The following CLSTN3 variants were observed in gnomAD, a reference collection of about 807,000 sequenced individuals.
CLSTN3 encodes the protein calsyntenin-3.
In CLSTN3, 36 loss-of-function variants were observed where a neutral mutation model predicts 95.9. The observed-to-expected ratio is 0.38, with a 90% CI of 0.29 to 0.50. The LOEUF (loss-of-function observed/expected upper bound fraction) is 0.50, where lower values mean the gene tolerates loss of function less well. Ranked by LOEUF, CLSTN3 falls within the 20% of genes least tolerant of loss-of-function variation. The probability of loss-of-function intolerance (pLI) is 0.95; values close to 1 mark genes in which losing one functional copy is unlikely to be tolerated. For missense variants in CLSTN3, 1,084 were observed against 1,268.8 expected (o/e 0.85, Z 2.21); for synonymous variants, 481 against 504.0 (o/e 0.95, Z 0.61).
intron 4 of CLSTN3, 132 bp from the exon 5 acceptor site, chr12:7,135,672 C>G (rs1939398604): frequency 7.4e-7 from 1 of 1,351,576 alleles, no homozygotes. Flanking sequence ...GAGCCTTCTC[C>G]TCCCAGATGC....
rs1016260944 is a variant in CLSTN3, at chr12:7,141,074, G to C, written c.1324-168G>C. On this transcript the variant is annotated intron_variant, in intron 8 of 17. Transcript: ENST00000266546. The surrounding 1 kb of genome is among the most constrained non-coding windows in gnomAD (Gnocchi z 4.1). ...GGTTGCCTGATAGATTTTGGACAAG[G>C]ATGTTATTCCTCGAGCTGGATAGGC... Among the ~76,000 whole-genome samples, 1 of 152,200 alleles carries C rather than the reference G, an allele frequency of 6.6e-6. No homozygotes were observed. The highest frequency in any genetic ancestry group is 2.4e-5 in the African/African-American group (1 of 41,444).
At position 7,158,822 on chromosome 12, in the gene CLSTN3, ATG is replaced by A. The variant is rs55888711; in HGVS notation, c.*762_*763del. The A allele has an allele frequency of 0.82, 105,423 of 128,430 alleles. 44,515 individuals carry two copies. Among genetic ancestry groups the A allele is most frequent in the Non-Finnish European group, 0.92 (57,666 of 62,932 alleles). 8.0% of individuals were successfully genotyped at this position (128,430 alleles called of 1,614,324 possible). ...GCGTGCAGCTCACGGCCTTGTGTGT[ATG>A]TGTGTGTGTGTGTGTGTGTGAGGCA... On this transcript the variant is annotated 3_prime_UTR_variant, in exon 18 of 18. Transcript: ENST00000266546.
chr12:7,151,493 C>T (rs2135815126), intron 16 of CLSTN3, among the ~76,000 whole-genome samples: 1 of 152,268 alleles, frequency 6.6e-6, no homozygotes, highest in South Asian at 2.1e-4. Context: ...ATAGATCAGT[C>T]CCTATCCCCA....
Position 7,142,989 on chromosome 12 carries a change from A to C in CLSTN3, c.1661A>C (p.Asp554Ala), listed in dbSNP as rs768164823. The change falls in exon 11 of 18, where the codon GAC becomes GCC. Residue 554 changes from aspartate (D) to alanine (A), a missense_variant. By Grantham distance (126) the Asp-to-Ala change is moderately radical. Coordinates refer to ENST00000266546, the MANE Select transcript of CLSTN3 (RefSeq NM_014718.4). ...ECLYACREGL[D>A]YRDFESLGKG... ...CTCTATGCATGTCGGGAGGGGCTGGACTATAGGGATTTCGAGAGCCTGGGC... is the reference window on the plus strand; with the variant it reads ...CTCTATGCATGTCGGGAGGGGCTGGCCTATAGGGATTTCGAGAGCCTGGGC... The C allele has an allele frequency of 6.2e-7, 1 of 1,614,008 alleles. No homozygotes were observed. The highest frequency in any genetic ancestry group is 8.5e-7 in the Non-Finnish European group (1 of 1,179,970).
chr12:7,148,787 A>G (rs745938220), intron 12 of CLSTN3, among the ~76,000 whole-genome samples, 185 bp from the exon 13 acceptor site: 1 of 152,278 alleles, frequency 6.6e-6, no homozygotes, highest in South Asian at 2.1e-4. Context: ...CCAGGAAAGG[A>G]TATGTCCCCC....
chr12:7,150,575 C>T lies in CLSTN3; in HGVS notation c.2277C>T (p.Ile759=). Residue 759 remains isoleucine (I), a synonymous_variant, in exon 15 of 18, where the codon ATC becomes ATT. Transcript: ENST00000266546. The surrounding 1 kb of genome is among the most constrained non-coding windows in gnomAD (Gnocchi z 4.0). Reference sequence around the variant, plus strand: ...AGAGCATCACTGTGTATGAAGAGATCCTGAGGCAGGCTCGTTATCGGCTGC... The same window carrying T: ...AGAGCATCACTGTGTATGAAGAGATTCTGAGGCAGGCTCGTTATCGGCTGC... ...GVESITVYEE[I]LRQARYRLRH... is the part of the protein sequence containing the mutation. 4 of 1,614,042 alleles carry T rather than the reference C, an allele frequency of 2.5e-6. No individual in the cohort carries two copies. The highest frequency in any genetic ancestry group is 3.4e-6 in the Non-Finnish European group (4 of 1,179,962).
Position 7,141,377 on chromosome 12 carries a change from G to A in CLSTN3, c.1459G>A (p.Ala487Thr), listed in dbSNP as rs1217512590. The A allele has an allele frequency of 6.2e-7, 1 of 1,614,190 alleles. No homozygotes were observed. Among genetic ancestry groups the A allele is most frequent in the Non-Finnish European group, 8.5e-7 (1 of 1,180,034 alleles). ...CATCCACCCACCCCGAAGGGAGCCT[G>A]CTCTCATGATTGGGGCCTGCTGGAC... ...GLIHPPRREP[A>T]LMIGACWTEE... The change falls in exon 9 of 18, where the codon GCT becomes ACT. Residue 487 changes from alanine (A) to threonine (T), a missense_variant. Physicochemically the swap from Ala to Thr is moderately conservative, Grantham distance 58. Transcript: ENST00000266546. The surrounding 1 kb of genome is among the most constrained non-coding windows in gnomAD (Gnocchi z 4.1).
At chr12:7,147,917 G>A (rs1015463721) in intron 12 of CLSTN3, among the ~76,000 whole-genome samples, 17 of 152,158 alleles carry the variant, frequency 1.1e-4, no homozygotes, top group African/African-American at 3.4e-4. Flanking sequence ...CACTTTGGGA[G>A]GCCGAGACGG....
At chr12:7,140,474 G>A (rs183739056) in intron 8 of CLSTN3, among the ~76,000 whole-genome samples, 19 of 152,116 alleles carry the variant, frequency 1.2e-4, no homozygotes, top group African/African-American at 4.3e-4. Context: ...AGAGAAGAGG[G>A]CCTAGGTCTG....
At chr12:7,142,804 G>T (rs1329119496) in intron 10 of CLSTN3, 65 bp from the exon 11 acceptor site, 54 of 1,404,048 alleles carry the variant, frequency 3.8e-5, no homozygotes, top group African/African-American at 6.2e-5. Flanking sequence ...CTTTCTCTCA[G>T]CCTTCGTCCT....
rs200466447 is a variant in CLSTN3, at chr12:7,150,600, C to A, written c.2302C>A (p.Arg768=). The A allele has an allele frequency of 1.2e-6, 2 of 1,612,296 alleles. No homozygotes were observed. Among genetic ancestry groups the A allele is most frequent in the African/African-American group, 1.3e-5 (1 of 74,840 alleles). The change falls in exon 15 of 18, where the codon CGA becomes AGA. Residue 768 remains arginine (R), a synonymous_variant. Coordinates refer to ENST00000266546, the MANE Select transcript of CLSTN3 (RefSeq NM_014718.4). This position sits in a 1 kb window ranked among gnomAD's most constrained non-coding sequence, Gnocchi z 4.0. The stretch of plus-strand genomic sequence containing the variant: ...CCTGAGGCAGGCTCGTTATCGGCTG[C>A]GACACGGAGCTGCCCTCTACACCAG... ...EILRQARYRL[R]HGAALYTRKF... is the part of the protein sequence containing the mutation.
In CLSTN3 at chr12:7,137,353, TTC is replaced by T. The variant is rs1246259717; in HGVS notation, c.1210+247_1210+248del. On this transcript the variant is annotated intron_variant, in intron 7 of 17. Transcript: ENST00000266546. The surrounding 1 kb of genome is among the most constrained non-coding windows in gnomAD (Gnocchi z 4.4). Reference sequence around the variant, plus strand: ...TCTTGTTTTCAGTTGCCCAGTCAACTTCTCTGTGTCCCACCATGTGGTAGGCT... The same window carrying T: ...TCTTGTTTTCAGTTGCCCAGTCAACTTCTGTGTCCCACCATGTGGTAGGCT... 1.9e-6 allele frequency: 1 copy of T among 517,424 alleles called. No homozygotes were observed. The highest frequency in any genetic ancestry group is 1.9e-5 in the African/African-American group (1 of 52,326). 32.1% of individuals were successfully genotyped at this position (517,424 alleles called of 1,614,324 possible). A position where few individuals can be genotyped will look rare whatever the true frequency, so the allele number is the denominator to read the frequency against.
intron 1 of CLSTN3, 173 bp downstream of exon 1, chr12:7,130,885 TC>T: frequency 1.5e-6 from 1 of 653,230 alleles, no homozygotes; most frequent in Non-Finnish European, 2.7e-6. Flanking sequence ...CTCTTTCTCT[TC>T]CCCCAGCTAC....
At position 7,148,404 on chromosome 12, in the gene CLSTN3, C is replaced by T. The variant is rs779864865; in HGVS notation, c.1848-568C>T. Among the ~76,000 whole-genome samples, 5 of 152,218 alleles carry T rather than the reference C, an allele frequency of 3.3e-5. No individual in the cohort carries two copies. The East Asian group carries it at 5.8e-4, about 18-fold the overall frequency. ...GCCTGGATCCTCAAGCTTCATGAGACGGTGGATCTAGGTCCAAGGTGGTCA... is the reference window on the plus strand; with the variant it reads ...GCCTGGATCCTCAAGCTTCATGAGATGGTGGATCTAGGTCCAAGGTGGTCA... On this transcript the variant is annotated intron_variant, in intron 12 of 17. Coordinates refer to ENST00000266546, the MANE Select transcript of CLSTN3 (RefSeq NM_014718.4).
intron 3 of CLSTN3, 57 bp from the exon 4 acceptor site, chr12:7,135,270 T>A (rs1939383430): frequency 3.9e-6 from 6 of 1,531,668 alleles, no homozygotes; most frequent in Admixed American, 3.4e-5. Context: ...TATCTCAATG[T>A]ATAATGTCGA....
Position 7,130,523 on chromosome 12 carries a change from C to G in CLSTN3, c.-126C>G. 1 of 1,540,654 alleles carries G rather than the reference C, an allele frequency of 6.5e-7. No individual in the cohort carries two copies. The highest frequency in any genetic ancestry group is 8.7e-7 in the Non-Finnish European group (1 of 1,145,778). On this transcript the variant is annotated 5_prime_UTR_variant, in exon 1 of 18. Coordinates refer to ENST00000266546, the MANE Select transcript of CLSTN3 (RefSeq NM_014718.4). ...ACTAGTGTGGGCGGCAGGCTCCTTT[C>G]CGTCCCTGCCCTGCTGTACCCCGCT...
intron 16 of CLSTN3, chr12:7,156,602 C>T (rs753071069): frequency 4.8e-5 from 22 of 456,534 alleles, no homozygotes; most frequent in Non-Finnish European, 8.4e-5. Context: ...AGGCCTGGCT[C>T]GGGTGTGGGG....
chr12:7,155,436 G>A (rs779920412), intron 16 of CLSTN3, among the ~76,000 whole-genome samples: 3 of 152,150 alleles, frequency 2.0e-5, no homozygotes, highest in Non-Finnish European at 1.5e-5. Flanking sequence ...ATTGATTAGG[G>A]CGCAAACCAG....
In CLSTN3 at chr12:7,135,366, T is replaced by C; in HGVS notation, c.423T>C (p.Phe141=). The C allele has an allele frequency of 6.2e-7, 1 of 1,614,162 alleles. No individual in the cohort carries two copies. The highest frequency in any genetic ancestry group is 8.5e-7 in the Non-Finnish European group (1 of 1,180,008). Residue 141 remains phenylalanine (F), a synonymous_variant, in exon 4 of 18, where the codon TTT becomes TTC. Transcript: ENST00000266546. ...VHVRVNDVNE[F]APVFVERLYR... is the part of the protein sequence containing the mutation. ...TGCGGGTCAACGATGTGAACGAGTT[T>C]GCCCCAGTGTTTGTGGAACGGCTGT...
Sources: gnomAD v4.1 joint callset for allele counts (sites outside exome capture counted in the v4.1 genomes callset) on GRCh38, gnomAD v4.1.1 for gene constraint, Gnocchi (gnomAD v3.1) non-coding constraint, MANE v1.5 for transcripts, NCBI Gene and HGNC (gene_info 2026-07-23, HGNC 2026-07-21) for gene names.